CLIC5: variants seen among roughly 807,000 people sequenced by gnomAD.
CLIC5 encodes chloride intracellular channel protein 5.
In CLIC5, 20 loss-of-function variants were observed where a neutral mutation model predicts 24.7. The ratio of observed to expected loss-of-function variants is 0.81; its 90% CI spans 0.57 to 1.18. The LOEUF (loss-of-function observed/expected upper bound fraction) is 1.18, where lower values mean the gene tolerates loss of function less well. Ranked by LOEUF, CLIC5 falls within the 50% of genes most tolerant of loss-of-function variation. CLIC5 has a pLI of 0.00. For missense variants in CLIC5, 341 were observed against 326.1 expected, an observed-to-expected ratio of 1.05 and a Z score of -0.35; for synonymous variants, 159 against 135.6, an observed-to-expected ratio of 1.17 and a Z score of -1.20.
chr6:46,054,087 G>A lies in CLIC5; in HGVS notation c.540+25616C>T, dbSNP rs575494955. Among the ~76,000 whole-genome samples, 3 of 152,188 alleles carry A rather than the reference G, an allele frequency of 2.0e-5. No homozygotes were observed. The South Asian group carries it at 6.2e-4, about 32-fold the overall frequency. Reference sequence around the variant, plus strand: ...AGCTCCAGGTGGGGGTAGGCTGGGGGATGTTTGCCCTCAAAATGATTTTTC... The same window carrying A: ...AGCTCCAGGTGGGGGTAGGCTGGGGAATGTTTGCCCTCAAAATGATTTTTC... On this transcript the variant is annotated intron_variant, in intron 1 of 5. Transcript: ENST00000185206.
At chr6:46,021,071 A>T (rs1269664722) in intron 1 of CLIC5, among the ~76,000 whole-genome samples, 2 of 149,090 alleles carry the variant, frequency 1.3e-5, no homozygotes, top group African/African-American at 5.0e-5. Flanking sequence ...CAGGATTTGT[A>T]AAGAATTTTT....
In CLIC5 at chr6:45,925,607, G is replaced by A. The variant is rs142140654; in HGVS notation, c.407-11198C>T. 9.6e-4 allele frequency among the ~76,000 whole-genome samples: 146 copies of A among 152,290 alleles called. 3 individuals carry two copies. The East Asian group carries it at 0.027, about 28-fold the overall frequency. ...TGAGATTACAGGCATGAGCCGTCGC[G>A]CTCAGCCTCATTATTTCACTTTTAT... On this transcript the variant is annotated intron_variant, in intron 4 of 5. Transcript: ENST00000339561.
chr6:46,006,063 T>C lies in CLIC5; in HGVS notation c.63+9417A>G, dbSNP rs1262364780. On this transcript the variant is annotated intron_variant, in intron 1 of 5. Coordinates refer to ENST00000339561, the MANE Select transcript of CLIC5 (RefSeq NM_016929.5). ...ACATGTATAAATATATATATACATG[T>C]ATAAATATATATATACACATGTATA... Among the ~76,000 whole-genome samples, 12 of 135,962 alleles carry C rather than the reference T, an allele frequency of 8.8e-5. No homozygotes were observed. The Admixed American group carries it at 9.0e-4, about 10-fold the overall frequency. The allele number at this position is 135,962 out of a possible 152,430, so 89.2% of individuals were successfully genotyped here.
At chr6:46,046,289 G>A (rs1414203437) in intron 1 of CLIC5, among the ~76,000 whole-genome samples, 1 of 152,136 alleles carries the variant, frequency 6.6e-6, no homozygotes, top group East Asian at 1.9e-4. Flanking sequence ...AGCTTCTGCT[G>A]CCATCTTATC....
chr6:46,126,143 C>T, the CLIC5 span, among the ~76,000 whole-genome samples: 3 of 152,170 alleles, frequency 2.0e-5, no homozygotes, highest in South Asian at 6.2e-4. Context: ...GAGTCTGCCC[C>T]GTGGATGAGG....
At chr6:46,100,948 G>A in the CLIC5 span, among the ~76,000 whole-genome samples, 1 of 152,124 alleles carries the variant, frequency 6.6e-6, no homozygotes, top group Non-Finnish European at 1.5e-5. Flanking sequence ...AACAGGTTAT[G>A]GTTGAAAATC....
chr6:45,995,559 C>T (rs545675212), intron 1 of CLIC5, among the ~76,000 whole-genome samples: 2 of 152,278 alleles, frequency 1.3e-5, no homozygotes, highest in East Asian at 1.9e-4. Context: ...TTTCTGTTTT[C>T]TCTATTAAAA....
At chr6:45,970,917 G>C (rs1227579469) in intron 1 of CLIC5, among the ~76,000 whole-genome samples, 1 of 152,190 alleles carries the variant, frequency 6.6e-6, no homozygotes. Context: ...GGGCACAAAG[G>C]AGTCAGAGGT....
chr6:45,888,872 T>C (rs1481035427), intron 6 of CLIC5, among the ~76,000 whole-genome samples: 1 of 152,232 alleles, frequency 6.6e-6, no homozygotes, highest in African/African-American at 2.4e-5. Flanking sequence ...TTATAAGTGG[T>C]AGCATGACAT....
At chr6:45,965,389 A>T (rs1764983632) in intron 1 of CLIC5, among the ~76,000 whole-genome samples, 1 of 152,218 alleles carries the variant, frequency 6.6e-6, no homozygotes, top group Non-Finnish European at 1.5e-5. Context: ...AACCCAAGGA[A>T]TATAGATGGT....
At chr6:45,992,590 A>G (rs1387012086) in intron 1 of CLIC5, among the ~76,000 whole-genome samples, 1 of 152,172 alleles carries the variant, frequency 6.6e-6, no homozygotes, top group Non-Finnish European at 1.5e-5. Flanking sequence ...ATACATATGC[A>G]TCATATGCAT....
intron 1 of CLIC5, 85 bp downstream of exon 1, chr6:46,015,395 C>A: frequency 7.4e-7 from 1 of 1,347,162 alleles, no homozygotes; most frequent in Non-Finnish European, 9.9e-7. Flanking sequence ...CTGGGAGGGT[C>A]CGGAGTCCAG....
intron 1 of CLIC5, among the ~76,000 whole-genome samples, chr6:46,022,719 T>C (rs1767217871): frequency 6.6e-6 from 1 of 151,878 alleles, no homozygotes; most frequent in Non-Finnish European, 1.5e-5. Flanking sequence ...AAGTCAAGAG[T>C]CCTTGTCAAA....
At chr6:46,050,609 C>T (rs1402574395) in intron 1 of CLIC5, among the ~76,000 whole-genome samples, 3 of 152,150 alleles carry the variant, frequency 2.0e-5, no homozygotes. Context: ...CACTGGCCTT[C>T]CAAACACAGG....
intron 1 of CLIC5, among the ~76,000 whole-genome samples, chr6:46,072,239 A>G (rs1162650167): frequency 1.3e-5 from 2 of 150,226 alleles, no homozygotes; most frequent in Non-Finnish European, 3.0e-5. Flanking sequence ...CTTAAAAGAA[A>G]AAAAAAAAAA....
intron 1 of CLIC5, among the ~76,000 whole-genome samples, chr6:46,026,321 T>G (rs939256316): frequency 2.6e-5 from 4 of 152,150 alleles, no homozygotes; most frequent in Admixed American, 2.6e-4. Flanking sequence ...TCCATATACA[T>G]CCTTATATAT....
chr6:46,126,802 A>AGG, the CLIC5 span, among the ~76,000 whole-genome samples: 1 of 152,176 alleles, frequency 6.6e-6, no homozygotes, highest in African/African-American at 2.4e-5. Context: ...TTCTTTGGGA[A>AGG]GCGTGTGGCT....
intron 1 of CLIC5, among the ~76,000 whole-genome samples, chr6:46,041,342 C>T (rs1377981993): frequency 1.3e-5 from 2 of 152,168 alleles, no homozygotes; most frequent in Non-Finnish European, 2.9e-5. Flanking sequence ...TATCATTATG[C>T]TTTTGTAAAT....
At chr6:45,930,063 TAC>T (rs1051964428) in intron 4 of CLIC5, among the ~76,000 whole-genome samples, 4 of 151,914 alleles carry the variant, frequency 2.6e-5, no homozygotes, top group South Asian at 2.1e-4. Context: ...ATAATAAATA[TAC>T]ACACTCTTTT....
Sources: allele counts gnomAD v4.1 joint callset (sites outside exome capture counted in the v4.1 genomes callset), GRCh38; gene constraint gnomAD v4.1.1; transcripts MANE v1.5; gene names NCBI Gene and HGNC (gene_info 2026-07-23, HGNC 2026-07-21).